The following GALNT17 variants were observed in gnomAD, a reference collection of about 807,000 sequenced individuals.
GALNT17 encodes the protein polypeptide N-acetylgalactosaminyltransferase 17.
Under a neutral mutation model 63.7 loss-of-function variants are expected in GALNT17, and 29 were observed. The ratio of observed to expected loss-of-function variants is 0.46; its 90% CI spans 0.34 to 0.62. The LOEUF (loss-of-function observed/expected upper bound fraction) is 0.62, where lower values mean the gene tolerates loss of function less well. Ranked by LOEUF, GALNT17 falls within the 20% of genes least tolerant of loss-of-function variation. The pLI is 0.01. For synonymous variants in GALNT17, 305 were observed against 318.3 expected, an observed-to-expected ratio of 0.96 and a Z score of 0.45; for missense variants, 603 against 799.6, an observed-to-expected ratio of 0.75 and a Z score of 2.97.
intron 1 of GALNT17, among the ~76,000 whole-genome samples, chr7:71,243,644 A>AC (rs1351900821): frequency 2.6e-5 from 4 of 151,616 alleles, no homozygotes; most frequent in South Asian, 2.1e-4. Context: ...AGTTCAAGTG[A>AC]CCCCCCCATC....
chr7:71,550,997 A>G (rs1427301675), intron 5 of GALNT17, among the ~76,000 whole-genome samples: 2 of 151,800 alleles, frequency 1.3e-5, no homozygotes, highest in Admixed American at 6.6e-5. Context: ...ATATGTGTTC[A>G]TTTCCTTCCT....
chr7:71,178,994 T>A (rs1788687797), intron 1 of GALNT17, among the ~76,000 whole-genome samples: 1 of 152,190 alleles, frequency 6.6e-6, no homozygotes, highest in Admixed American at 6.5e-5. Flanking sequence ...CCTGCTATAT[T>A]CCTTTCAATG....
intron 3 of GALNT17, among the ~76,000 whole-genome samples, chr7:71,391,651 T>TTA (rs200282756): frequency 7.2e-4 from 109 of 151,784 alleles, no homozygotes; most frequent in Non-Finnish European, 1.3e-3. Flanking sequence ...CCTAGCTAAT[T>TTA]TATATATATA....
intron 1 of GALNT17, among the ~76,000 whole-genome samples, chr7:71,255,860 A>T (rs1484527053): frequency 6.6e-6 from 1 of 152,202 alleles, no homozygotes; most frequent in African/African-American, 2.4e-5. Flanking sequence ...CCCCAGCCAC[A>T]TGAATGGACC....
intron 1 of GALNT17, among the ~76,000 whole-genome samples, chr7:71,166,217 G>A (rs567202457): frequency 1.2e-4 from 19 of 152,296 alleles, no homozygotes; most frequent in Admixed American, 2.0e-4. Context: ...TAAATACTGC[G>A]TGTGCTTGGG....
intron 5 of GALNT17, among the ~76,000 whole-genome samples, chr7:71,532,917 A>G (rs951818566): frequency 1.3e-5 from 2 of 152,228 alleles, no homozygotes; most frequent in African/African-American, 4.8e-5. Flanking sequence ...TGGATTATAC[A>G]AAGTTCTTCA....
At chr7:71,230,506 G>A (rs773912052) in intron 1 of GALNT17, among the ~76,000 whole-genome samples, 31 of 151,708 alleles carry the variant, frequency 2.0e-4, no homozygotes, top group Non-Finnish European at 3.8e-4. Context: ...GCCACCAGCC[G>A]ACTTTCCCTG....
intron 1 of GALNT17, among the ~76,000 whole-genome samples, chr7:71,148,856 ATTTT>A (rs58468895): frequency 0.22 from 21,944 of 99,688 alleles, 2,288 homozygotes; most frequent in Non-Finnish European, 0.27. Flanking sequence ...GTATTATGGT[ATTTT>A]TATATATATA....
intron 9 of GALNT17, among the ~76,000 whole-genome samples, chr7:71,678,832 C>T (rs1791191613): frequency 6.7e-6 from 1 of 149,916 alleles, no homozygotes; most frequent in South Asian, 2.1e-4. Context: ...GTGGCGGGTG[C>T]CTGTAATCCC....
chr7:71,150,731 C>T (rs1265792076), intron 1 of GALNT17, among the ~76,000 whole-genome samples: 1 of 151,758 alleles, frequency 6.6e-6, no homozygotes, highest in African/African-American at 2.4e-5. Flanking sequence ...AGGATGGTCT[C>T]GATCTCCTGA....
rs543377587 is a variant in GALNT17 at position 71,197,008 on chromosome 7, A to G, written c.238+63968A>G. Among the ~76,000 whole-genome samples the G allele has an allele frequency of 5.3e-5, 8 of 151,968 alleles. 1 individual carries two copies. In the South Asian group the frequency reaches 1.7e-3, roughly 32 times the overall value. On this transcript the variant is annotated intron_variant, in intron 1 of 10. Transcript: ENST00000333538. ...TTTTGTGGATACGTAGTAGGTGTAT[A>G]TGTTTATAGAGTACATGAGATACTT... is the stretch of plus-strand genomic sequence containing the variant.
Position 71,335,710 on chromosome 7 carries a change from C to T in GALNT17, c.399C>T (p.Ser133=). 1 of 1,604,964 alleles carries T rather than the reference C, an allele frequency of 6.2e-7. No individual in the cohort carries two copies. Among genetic ancestry groups the T allele is most frequent in the South Asian group, 1.1e-5 (1 of 89,354 alleles). ...GTGAAAAAATTTCACTGGACCGTTC[C>T]ATTCCGGATTATCGTCCCACCAAGT... ...YLSEKISLDR[S]IPDYRPTKCK... Residue 133 remains serine (S), a synonymous_variant, in exon 2 of 11, where the codon TCC becomes TCT. Coordinates refer to ENST00000333538, the MANE Select transcript of GALNT17 (RefSeq NM_022479.3).
At chr7:71,653,564 CCTGG>C (rs1156710850) in intron 6 of GALNT17, among the ~76,000 whole-genome samples, 1 of 150,202 alleles carries the variant, frequency 6.7e-6, no homozygotes, top group African/African-American at 2.4e-5. Flanking sequence ...TGCCACCACA[CCTGG>C]CTAATTTTTT....
At chr7:71,413,352 A>G (rs145401168) in intron 3 of GALNT17, among the ~76,000 whole-genome samples, 1 of 151,866 alleles carries the variant, frequency 6.6e-6, no homozygotes, top group African/African-American at 2.4e-5. Flanking sequence ...AATATTGAAT[A>G]TTATAATTTG....
At chr7:71,317,512 C>T (rs1791521440) in intron 1 of GALNT17, among the ~76,000 whole-genome samples, 1 of 151,998 alleles carries the variant, frequency 6.6e-6, no homozygotes, top group Admixed American at 6.6e-5. Context: ...GAGGCTGGGA[C>T]CCAGATAGAA....
intron 5 of GALNT17, among the ~76,000 whole-genome samples, chr7:71,529,140 AAAAT>A (rs574345466): frequency 6.6e-6 from 1 of 152,214 alleles, no homozygotes. Context: ...GTCTCAATTA[AAAAT>A]AAATAAATAA....
At chr7:71,365,504 T>A (rs1454008370) in intron 2 of GALNT17, among the ~76,000 whole-genome samples, 1 of 152,218 alleles carries the variant, frequency 6.6e-6, no homozygotes, top group Non-Finnish European at 1.5e-5. Flanking sequence ...CTTCCCAAAG[T>A]GCTGGGATTA....
intron 6 of GALNT17, among the ~76,000 whole-genome samples, chr7:71,576,034 G>C (rs1053381218): frequency 7.9e-5 from 12 of 151,812 alleles, no homozygotes; most frequent in Non-Finnish European, 1.6e-4. Context: ...TAAATGTTAA[G>C]AGAAAAAAAA....
At chr7:71,484,855 A>G (rs1349695966) in intron 5 of GALNT17, among the ~76,000 whole-genome samples, 2 of 131,168 alleles carry the variant, frequency 1.5e-5, no homozygotes, top group African/African-American at 2.9e-5. Context: ...CTGGAGTGCA[A>G]TGGTGCAATC....
Sources: gnomAD v4.1 joint callset for allele counts (sites outside exome capture counted in the v4.1 genomes callset) on GRCh38, gnomAD v4.1.1 for gene constraint, MANE v1.5 for transcripts, NCBI Gene and HGNC (gene_info 2026-07-23, HGNC 2026-07-21) for gene names.